The following CSMD1 variants were observed in gnomAD, a reference collection of about 807,000 sequenced individuals.
CSMD1 encodes the protein CUB and sushi domain-containing protein 1.
CSMD1 carries 213 observed loss-of-function variants against 417.5 expected under a neutral mutation model. The observed-to-expected ratio is 0.51, with a 90% CI of 0.46 to 0.57. The LOEUF (loss-of-function observed/expected upper bound fraction) is 0.57, where lower values mean the gene tolerates loss of function less well. Among genes scored for constraint, CSMD1 ranks in the 20% least tolerant of loss-of-function variants. The probability of loss-of-function intolerance (pLI) is 0.00; values close to 1 mark genes in which losing one functional copy is unlikely to be tolerated. For missense variants in CSMD1, 6,923 were observed against 4,529.7 expected (o/e 1.53, Z -15.17); for synonymous variants, 2,862 against 1,736.8 (o/e 1.65, Z -16.11).
chr8:3,915,683 A>G (rs1808769457), intron 5 of CSMD1, among the ~76,000 whole-genome samples: 1 of 151,534 alleles, frequency 6.6e-6, no homozygotes, highest in Non-Finnish European at 1.5e-5. Flanking sequence ...CTAATAATGT[A>G]GAACTCTATC....
At chr8:3,374,701 C>T (rs1810197018) in intron 18 of CSMD1, among the ~76,000 whole-genome samples, 1 of 152,072 alleles carries the variant, frequency 6.6e-6, no homozygotes, top group Non-Finnish European at 1.5e-5. Flanking sequence ...AGCAGGGTGC[C>T]CCGAGACAGG....
At chr8:3,041,100 G>A (rs1585209509) in intron 50 of CSMD1, among the ~76,000 whole-genome samples, 2 of 152,232 alleles carry the variant, frequency 1.3e-5, no homozygotes, top group East Asian at 3.9e-4. Context: ...TGGCTGAGCA[G>A]AACTTAAAAA....
In CSMD1 at chr8:3,674,961, A is replaced by T. The variant is rs186133970; in HGVS notation, c.1009+33453T>A. Among the ~76,000 whole-genome samples the T allele has an allele frequency of 1.1e-4, 16 of 152,284 alleles. No homozygotes were observed. In the East Asian group the frequency reaches 3.1e-3, roughly 29 times the overall value. On this transcript the variant is annotated intron_variant, in intron 7 of 69. Transcript: ENST00000635120. ...CTAAGCCTCTGTAGGCCAAAAACAT[A>T]AACAGGCACAAAAAGGGGTTAACAT...
At chr8:3,302,220 T>G (rs772255631) in intron 25 of CSMD1, among the ~76,000 whole-genome samples, 80 of 152,146 alleles carry the variant, frequency 5.3e-4, no homozygotes, top group Non-Finnish European at 8.7e-4. Context: ...TCAGGGAAGT[T>G]TGGATCAGCT....
chr8:3,846,082 C>T (rs1018522001), intron 5 of CSMD1, among the ~76,000 whole-genome samples: 5 of 137,552 alleles, frequency 3.6e-5, no homozygotes, highest in Admixed American at 1.4e-4. Context: ...TAATAAGCAG[C>T]AGTAGACTTC....
chr8:4,580,514 C>A (rs1188443721), intron 2 of CSMD1, among the ~76,000 whole-genome samples: 2 of 152,204 alleles, frequency 1.3e-5, no homozygotes. Flanking sequence ...GAGGTTCTGG[C>A]TCGGGCCGTC....
At chr8:4,215,372 A>C (rs971275302) in intron 3 of CSMD1, among the ~76,000 whole-genome samples, 1 of 152,198 alleles carries the variant, frequency 6.6e-6, no homozygotes, top group Non-Finnish European at 1.5e-5. Flanking sequence ...CAAAAATTTT[A>C]GATAGAACAT....
Position 3,307,703 on chromosome 8 carries a change from C to G in CSMD1, c.3942G>C (p.Lys1314Asn). The change falls in exon 25 of 70, where the codon AAG becomes AAC. Residue 1314 changes from lysine to asparagine, a missense_variant. By Grantham distance (94) the Lys-to-Asn change is moderately conservative. Coordinates refer to ENST00000635120, the MANE Select transcript of CSMD1 (RefSeq NM_033225.6). Reference sequence around the variant, plus strand: ...CAAAATAAAACAAGTACCTAATGGTCTTTCCTGGGTCTGCCTCTATAATCC... The same window carrying G: ...CAAAATAAAACAAGTACCTAATGGTGTTTCCTGGGTCTGCCTCTATAATCC... ...CTWIIEADPG[K>N]TISLHFIVFD... 6.2e-7 allele frequency: 1 copy of G among 1,613,156 alleles called. No homozygotes were observed. Among genetic ancestry groups the G allele is most frequent in the Non-Finnish European group, 8.5e-7 (1 of 1,179,470 alleles).
intron 45 of CSMD1, 72 bp downstream of exon 45, chr8:3,107,646 T>C (rs538098609): frequency 1.0e-4 from 87 of 836,564 alleles, no homozygotes; most frequent in African/African-American, 1.0e-3. Context: ...GTCTGAGTAA[T>C]GATTACAATG....
At position 3,348,239 on chromosome 8, in the gene CSMD1, C is replaced by A. The variant is rs548826671; in HGVS notation, c.3305-78G>T. The A allele has an allele frequency of 1.0e-5, 10 of 1,003,814 alleles. 1 individual carries two copies. Among genetic ancestry groups the A allele is most frequent in the Middle Eastern group, 6.0e-4 (2 of 3,352 alleles). 62.2% of individuals were successfully genotyped at this position (1,003,814 alleles called of 1,614,324 possible). Reference sequence around the variant, plus strand: ...TTTAACAGATTAAAAACTTTAAAATCATGATAGCCTCCTCTTCTATCAACG... The same window carrying A: ...TTTAACAGATTAAAAACTTTAAAATAATGATAGCCTCCTCTTCTATCAACG... On this transcript the variant is annotated intron_variant, in intron 21 of 69. Transcript: ENST00000635120.
At chr8:4,266,321 A>C (rs1417064801) in intron 3 of CSMD1, among the ~76,000 whole-genome samples, 1 of 105,380 alleles carries the variant, frequency 9.5e-6, no homozygotes, top group Non-Finnish European at 2.5e-5. Context: ...CAGGTCTTAG[A>C]AACAGTTGAT....
At chr8:3,273,638 A>G (rs145800003) in intron 26 of CSMD1, among the ~76,000 whole-genome samples, 41,741 of 151,946 alleles carry the variant, frequency 0.27, 5,958 homozygotes, top group African/African-American at 0.34. Context: ...CAGAGATTCA[A>G]CTTCTTCCTG....
rs189479724 is a variant in CSMD1 at position 3,240,780 on chromosome 8, A to G, written c.4154-10549T>C. On this transcript the variant is annotated intron_variant, in intron 26 of 69. Coordinates refer to ENST00000635120, the MANE Select transcript of CSMD1 (RefSeq NM_033225.6). ...ATGGGTTTGGCACCACTGGGTGGAT[A>G]GGCAAAACAATCTGGTTGATAAGGC... Among the ~76,000 whole-genome samples the G allele has an allele frequency of 1.7e-3, 266 of 152,286 alleles. 2 individuals are homozygous for G. Among genetic ancestry groups the G allele is most frequent in the African/African-American group, 6.1e-3 (254 of 41,548 alleles).
intron 7 of CSMD1, among the ~76,000 whole-genome samples, chr8:3,687,782 C>T (rs1443811953): frequency 2.0e-5 from 3 of 152,154 alleles, no homozygotes; most frequent in Non-Finnish European, 4.4e-5. Context: ...CCTGTAAAAA[C>T]ACTTGATCTT....
chr8:4,978,413 G>A (rs1475831774), intron 1 of CSMD1, among the ~76,000 whole-genome samples: 1 of 152,108 alleles, frequency 6.6e-6, no homozygotes, highest in Non-Finnish European at 1.5e-5. Flanking sequence ...TAGTTTGGGT[G>A]GAGGGTATGT....
intron 12 of CSMD1, among the ~76,000 whole-genome samples, chr8:3,433,215 G>A (rs1563383625): frequency 6.6e-6 from 1 of 152,200 alleles, no homozygotes; most frequent in African/African-American, 2.4e-5. Flanking sequence ...TGGAACTACA[G>A]TTGTTGACAT....
chr8:3,292,883 T>C (rs1049603514), intron 25 of CSMD1, among the ~76,000 whole-genome samples: 1 of 152,100 alleles, frequency 6.6e-6, no homozygotes. Flanking sequence ...TGTTAGCTGG[T>C]TATTTTGCTC....
chr8:4,860,370 C>G (rs146078186), intron 1 of CSMD1, among the ~76,000 whole-genome samples: 1 of 151,294 alleles, frequency 6.6e-6, no homozygotes, highest in Non-Finnish European at 1.5e-5. Context: ...ATGTAACTAA[C>G]CTGCACAATG....
chr8:4,436,956 G>A (rs946528047), intron 2 of CSMD1, among the ~76,000 whole-genome samples: 4 of 152,148 alleles, frequency 2.6e-5, no homozygotes, highest in South Asian at 2.1e-4. Flanking sequence ...CTTACCTAGA[G>A]TGTACAGTGC....
Sources: gnomAD v4.1 joint callset for allele counts (sites outside exome capture counted in the v4.1 genomes callset) on GRCh38, gnomAD v4.1.1 for gene constraint, MANE v1.5 for transcripts, NCBI Gene and HGNC (gene_info 2026-07-23, HGNC 2026-07-21) for gene names.